ADCY5: variants seen among roughly 807,000 people sequenced by gnomAD.
ADCY5 encodes adenylate cyclase type 5.
In ADCY5, 30 loss-of-function variants were observed where a neutral mutation model predicts 119.7. The observed-to-expected ratio is 0.25, with a 90% CI of 0.19 to 0.34. The LOEUF is 0.34. Among genes scored for constraint, ADCY5 ranks in the 10% least tolerant of loss-of-function variants. ADCY5 has a pLI of 1.00. For synonymous variants in ADCY5, 753 were observed against 762.2 expected (o/e 0.99, Z 0.20); for missense variants, 1,324 against 1,775.2 (o/e 0.75, Z 4.57).
At chr3:123,292,906 C>T (rs907493550) in intron 17 of ADCY5, among the ~76,000 whole-genome samples, 1 of 152,164 alleles carries the variant, frequency 6.6e-6, no homozygotes, top group Non-Finnish European at 1.5e-5. Context: ...CTGCAGGTGG[C>T]AGACAGCATC....
chr3:123,384,234 A>G (rs1944137966), intron 1 of ADCY5, among the ~76,000 whole-genome samples: 1 of 152,250 alleles, frequency 6.6e-6, no homozygotes. Context: ...CCTTTAGCTC[A>G]CAAGTACAGG....
chr3:123,394,667 A>G lies in ADCY5; in HGVS notation c.1135-42086T>C, dbSNP rs542853488. Among the ~76,000 whole-genome samples the G allele has an allele frequency of 5.9e-5, 9 of 152,354 alleles. No individual in the cohort carries two copies. In the East Asian group the frequency reaches 1.7e-3, roughly 29 times the overall value. On this transcript the variant is annotated intron_variant, in intron 1 of 20. Coordinates refer to ENST00000462833, the MANE Select transcript of ADCY5 (RefSeq NM_183357.3). ...GAAAAGTGGTAAGGCACAGTTTATTAATGAGGAACAAGACAGAAAATGAGT... is the reference window on the plus strand; with the variant it reads ...GAAAAGTGGTAAGGCACAGTTTATTGATGAGGAACAAGACAGAAAATGAGT...
intron 1 of ADCY5, chr3:123,416,179 C>T: frequency 1.3e-6 from 2 of 1,536,068 alleles, no homozygotes; most frequent in Non-Finnish European, 1.7e-6. Flanking sequence ...GGCCATGACA[C>T]TCACCCTCCG....
At chr3:123,345,289 G>A (rs552182261) in intron 3 of ADCY5, among the ~76,000 whole-genome samples, 67 of 152,364 alleles carry the variant, frequency 4.4e-4, no homozygotes, top group South Asian at 2.5e-3. Flanking sequence ...GGGCCGAGGC[G>A]CAGGGGTGGC....
At chr3:123,367,890 A>G in intron 1 of ADCY5, 1 of 1,532,366 alleles carries the variant, frequency 6.5e-7, no homozygotes, top group South Asian at 1.2e-5. Flanking sequence ...AACTGCCACC[A>G]AGTGCTTACC....
chr3:123,346,605 C>CT (rs1171827138), intron 3 of ADCY5, among the ~76,000 whole-genome samples: 16 of 100,996 alleles, frequency 1.6e-4, no homozygotes, highest in East Asian at 1.0e-3. Flanking sequence ...GTCAGCCTCA[C>CT]CTTCTCTCTC....
intron 6 of ADCY5, among the ~76,000 whole-genome samples, 187 bp downstream of exon 6, chr3:123,328,457 C>T (rs1941599851): frequency 6.6e-6 from 1 of 152,204 alleles, no homozygotes; most frequent in South Asian, 2.1e-4. Context: ...CCAACGGTGG[C>T]ACAGGTGATT....
In ADCY5 at chr3:123,303,176, T is replaced by C. The variant is rs1939949821; in HGVS notation, c.2603A>G (p.Glu868Gly). The C allele has an allele frequency of 6.2e-7, 1 of 1,613,674 alleles. No individual in the cohort carries two copies. Among genetic ancestry groups the C allele is most frequent in the Admixed American group, 1.7e-5 (1 of 60,000 alleles). The change falls in exon 14 of 21, where the codon GAG (glutamate) becomes GGG (glycine). Residue 868 changes from glutamate (E) to glycine (G), a missense_variant. Glu to Gly is a moderately conservative substitution (Grantham distance 98). Around this residue, in one of 6 missense-constraint regions of ADCY5, gnomAD observed 424 missense variants for 546.8 expected, o/e 0.78. Coordinates refer to ENST00000462833, the MANE Select transcript of ADCY5 (RefSeq NM_183357.3). ...SRDLLGCLAQ[E>G]HNISASQVNA... ...GACCTGGCTCGCGCTGATGTTGTGCTCCTGTGCCAAGCAGCCCAGCAGGTC... is the reference window on the plus strand; with the variant it reads ...GACCTGGCTCGCGCTGATGTTGTGCCCCTGTGCCAAGCAGCCCAGCAGGTC...
At chr3:123,373,793 G>C (rs1256713255) in intron 1 of ADCY5, among the ~76,000 whole-genome samples, 1 of 123,572 alleles carries the variant, frequency 8.1e-6, no homozygotes, top group African/African-American at 3.2e-5. Context: ...AGGTAGCAGA[G>C]GATCAGGACT....
At chr3:123,379,510 C>A (rs914442617) in intron 1 of ADCY5, among the ~76,000 whole-genome samples, 1 of 152,148 alleles carries the variant, frequency 6.6e-6, no homozygotes. Context: ...CAAGGAGCAG[C>A]GGGTTTGCAA....
intron 1 of ADCY5, among the ~76,000 whole-genome samples, chr3:123,388,079 G>T (rs1388294394): frequency 6.6e-6 from 1 of 152,142 alleles, no homozygotes; most frequent in African/African-American, 2.4e-5. Flanking sequence ...GTGTAGGGAA[G>T]ATGGGGGGAA....
chr3:123,366,176 C>T (rs1000151917), intron 1 of ADCY5, among the ~76,000 whole-genome samples: 2 of 152,188 alleles, frequency 1.3e-5, no homozygotes, highest in Non-Finnish European at 2.9e-5. Flanking sequence ...TTTTGGCCCA[C>T]TGGAATAGCT....
At chr3:123,388,796 G>A (rs1187012970) in intron 1 of ADCY5, among the ~76,000 whole-genome samples, 7 of 152,178 alleles carry the variant, frequency 4.6e-5, no homozygotes, top group African/African-American at 7.2e-5. Flanking sequence ...CAATATGAGC[G>A]GCAAGGGCTG....
intron 3 of ADCY5, among the ~76,000 whole-genome samples, chr3:123,333,991 G>A (rs188403367): frequency 4.0e-4 from 61 of 152,118 alleles, no homozygotes; most frequent in African/African-American, 1.4e-3. Flanking sequence ...ACCAGCTGGT[G>A]ATAGATCTTT....
intron 1 of ADCY5, among the ~76,000 whole-genome samples, chr3:123,402,001 G>A (rs1944769693): frequency 6.6e-6 from 1 of 152,208 alleles, no homozygotes; most frequent in Non-Finnish European, 1.5e-5. Context: ...ACATGGACAA[G>A]GGCTATGAAG....
intron 1 of ADCY5, among the ~76,000 whole-genome samples, chr3:123,423,714 C>T (rs945361338): frequency 6.6e-6 from 1 of 152,200 alleles, no homozygotes; most frequent in Non-Finnish European, 1.5e-5. Flanking sequence ...GCTGGCAGTC[C>T]CTCTGCAGTA....
chr3:123,303,891 G>GAAA (rs1940027450), intron 13 of ADCY5, among the ~76,000 whole-genome samples, 176 bp downstream of exon 13: 5 of 80,338 alleles, frequency 6.2e-5, no homozygotes, highest in African/African-American at 1.8e-4. Context: ...GAGAAGAGAA[G>GAAA]AGAAGAAAGA....
In ADCY5 at chr3:123,289,822, A is replaced by G. The variant is rs1241676094; in HGVS notation, c.3460T>C (p.Phe1154Leu). Residue 1154 changes from phenylalanine to leucine, a missense_variant, in exon 19 of 21, where the codon TTT becomes CTT. Phe to Leu is a conservative substitution (Grantham distance 22). Around this residue, in one of 6 missense-constraint regions of ADCY5, gnomAD observed 178 missense variants for 329.6 expected, o/e 0.54. Coordinates refer to ENST00000462833, the MANE Select transcript of ADCY5 (RefSeq NM_183357.3). ...GKTHIKALAD[F>L]AMKLMDQMKY... is the part of the protein sequence containing the mutation. The stretch of plus-strand genomic sequence containing the variant: ...ATCTGGTCCATCAGCTTCATGGCAA[A>G]GTCGGCCAGTGCCTTGATGTGGGTC... 6.2e-7 allele frequency: 1 copy of G among 1,614,236 alleles called. No individual in the cohort carries two copies. Among genetic ancestry groups the G allele is most frequent in the Non-Finnish European group, 8.5e-7 (1 of 1,180,054 alleles).
intron 1 of ADCY5, among the ~76,000 whole-genome samples, chr3:123,357,345 A>C (rs1943076384): frequency 6.6e-6 from 1 of 152,122 alleles, no homozygotes; most frequent in African/African-American, 2.4e-5. Context: ...TGAGGCCAGA[A>C]AGAGAGGCCA....
Sources: allele counts gnomAD v4.1 joint callset (sites outside exome capture counted in the v4.1 genomes callset), GRCh38; gene constraint gnomAD v4.1.1; regional missense constraint gnomAD v4.1.1; transcripts MANE v1.5; gene names NCBI Gene and HGNC (gene_info 2026-07-23, HGNC 2026-07-21).